Variants in ELL observed in about 807,000 individuals in gnomAD.
ELL encodes the protein elongation factor for RNA polymerase II.
A neutral mutation model predicts 64.0 loss-of-function variants in ELL; 18 were observed. The observed-to-expected ratio is 0.28, with a 90% confidence interval of 0.19 to 0.42. The LOEUF (loss-of-function observed/expected upper bound fraction) is 0.42, where lower values mean the gene tolerates loss of function less well. Ranked by LOEUF, ELL falls within the 10% of genes least tolerant of loss-of-function variation. The probability of loss-of-function intolerance (pLI) is 1.00; values close to 1 mark genes in which losing one functional copy is unlikely to be tolerated. For synonymous variants in ELL, 399 were observed against 376.2 expected (o/e 1.06, Z -0.70); for missense variants, 797 against 870.4 (o/e 0.92, Z 1.06).
At chr19:18,485,152 G>GCC (rs1239066463) in intron 1 of ELL, among the ~76,000 whole-genome samples, 1 of 152,138 alleles carries the variant, frequency 6.6e-6, no homozygotes, top group Non-Finnish European at 1.5e-5. Context: ...TGTGCTTCCT[G>GCC]CTCAGGCAGC....
At position 18,501,163 on chromosome 19, in the gene ELL, C is replaced by T. The variant is rs1975772634; in HGVS notation, c.135+20758G>A. ...CCTGTGGGCAGCAAGCAGCACACCT[C>T]CAGGGGCCACGTAGACAACCTGTGA... On this transcript the variant is annotated intron_variant, in intron 1 of 11. Transcript: ENST00000262809. This position sits in a 1 kb window ranked among gnomAD's most constrained non-coding sequence, Gnocchi z 4.5. Among the ~76,000 whole-genome samples the T allele has an allele frequency of 6.6e-6, 1 of 152,122 alleles. No homozygotes were observed. Among genetic ancestry groups the T allele is most frequent in the South Asian group, 2.1e-4 (1 of 4,824 alleles).
rs146491766 is a variant in ELL at position 18,464,597 on chromosome 19, G to A, written c.469+815C>T. On this transcript the variant is annotated intron_variant, in intron 4 of 11. Transcript: ENST00000262809. ...CCTCTGCTCAGCAAAGGGAAATCAC[G>A]TGCTTTCTTCGGAAGGAGGAGAGAG... Among the ~76,000 whole-genome samples, 290 of 152,288 alleles carry A rather than the reference G, an allele frequency of 1.9e-3. 3 individuals are homozygous for A. Among genetic ancestry groups the A allele is most frequent in the Middle Eastern group, 6.8e-3 (2 of 294 alleles).
At chr19:18,496,104 G>C (rs1416994280) in intron 1 of ELL, among the ~76,000 whole-genome samples, 3 of 152,190 alleles carry the variant, frequency 2.0e-5, no homozygotes, top group Admixed American at 2.0e-4. Context: ...CGGACAGATG[G>C]GGTTACTCCC....
intron 1 of ELL, among the ~76,000 whole-genome samples, chr19:18,515,753 C>T (rs1468411961): frequency 2.6e-5 from 4 of 152,116 alleles, no homozygotes; most frequent in East Asian, 3.9e-4. Context: ...GGCTCAGGAC[C>T]CCAGTGTGAC....
At chr19:18,446,117 A>C in intron 10 of ELL, 192 bp downstream of exon 10, 1 of 679,978 alleles carries the variant, frequency 1.5e-6, no homozygotes, top group Non-Finnish European at 2.4e-6. Flanking sequence ...GCCTTCAAGG[A>C]CTCCCACAAC....
At chr19:18,447,189 C>T (rs959998658) in intron 8 of ELL, among the ~76,000 whole-genome samples, 2 of 152,250 alleles carry the variant, frequency 1.3e-5, no homozygotes, top group African/African-American at 4.8e-5. Flanking sequence ...CCAGGCCAGG[C>T]CCTTGCTGCC....
intron 6 of ELL, among the ~76,000 whole-genome samples, chr19:18,455,272 C>A (rs1004178997): frequency 6.6e-6 from 1 of 151,704 alleles, no homozygotes; most frequent in African/African-American, 2.4e-5. Flanking sequence ...GCGGGTGGAT[C>A]ATGAGGTCAG....
At chr19:18,511,838 G>A (rs994235027) in intron 1 of ELL, among the ~76,000 whole-genome samples, 10 of 150,828 alleles carry the variant, frequency 6.6e-5, no homozygotes, top group African/African-American at 2.2e-4. Context: ...GCGCAACACA[G>A]TGAGACCCTG....
rs1422138069 is a variant in ELL at position 18,478,466 on chromosome 19, G to A, written c.136-5584C>T. Among the ~76,000 whole-genome samples, 5 of 152,196 alleles carry A rather than the reference G, an allele frequency of 3.3e-5. No homozygotes were observed. In the East Asian group the frequency reaches 9.6e-4, roughly 29 times the overall value. ...CCTGCCCAGTCTCTGTAGACCCTCT[G>A]AGGGGTCATCACCCCCACAAGTCCT... On this transcript the variant is annotated intron_variant, in intron 1 of 11. Coordinates refer to ENST00000262809, the MANE Select transcript of ELL (RefSeq NM_006532.4).
chr19:18,465,618 T>C lies in ELL; in HGVS notation c.306-43A>G, dbSNP rs766781966. The C allele has an allele frequency of 7.2e-6, 11 of 1,531,132 alleles. No homozygotes were observed. In the Admixed American group the frequency reaches 1.7e-4, roughly 24 times the overall value. 94.8% of individuals were successfully genotyped at this position (1,531,132 alleles called of 1,614,324 possible). The stretch of plus-strand genomic sequence containing the variant: ...GAGCTGGGGTCAGCAGCTGGGACAA[T>C]GCAGGGAGGATCCGTTGAGGGCCCA... On this transcript the variant is annotated intron_variant, in intron 3 of 11. Coordinates refer to ENST00000262809, the MANE Select transcript of ELL (RefSeq NM_006532.4).
intron 1 of ELL, among the ~76,000 whole-genome samples, chr19:18,474,691 C>T (rs984145171): frequency 1.3e-5 from 2 of 152,346 alleles, no homozygotes; most frequent in African/African-American, 4.8e-5. Flanking sequence ...AAGGGGGGCT[C>T]GTCTAGAGCA....
chr19:18,467,664 CACACACACAA>C (rs1292814474), intron 2 of ELL, among the ~76,000 whole-genome samples: 3 of 86,680 alleles, frequency 3.5e-5, no homozygotes, highest in Admixed American at 1.2e-4. Context: ...CACACACACA[CACACACACAA>C]ACACAACCCC....
chr19:18,490,464 G>A (rs376643170), intron 1 of ELL, among the ~76,000 whole-genome samples: 16 of 152,306 alleles, frequency 1.1e-4, no homozygotes, highest in African/African-American at 3.8e-4. Flanking sequence ...CCCCGCAGCG[G>A]GAGCCCATGG....
At position 18,450,604 on chromosome 19, in the gene ELL, G is replaced by A. The variant is rs1255055356; in HGVS notation, c.1338C>T (p.Ser446=). 2 of 1,611,940 alleles carry A rather than the reference G, an allele frequency of 1.2e-6. No homozygotes were observed. Among genetic ancestry groups the A allele is most frequent in the Admixed American group, 3.3e-5 (2 of 59,850 alleles). The change falls in exon 8 of 12, where the codon AGC becomes AGT. Residue 446 remains serine, a synonymous_variant. Coordinates refer to ENST00000262809, the MANE Select transcript of ELL (RefSeq NM_006532.4). ...GCTTCTTGGACTTCTTCTTGGGCTT[G>A]CTGCGCGAGGGGCTGCCGTGTGGCC... The part of the protein sequence containing the change: ...PSRPHGSPSR[S]KPKKKSKKHK...
intron 5 of ELL, among the ~76,000 whole-genome samples, chr19:18,461,096 A>T (rs1374948208): frequency 1.3e-5 from 2 of 152,148 alleles, no homozygotes; most frequent in African/African-American, 4.8e-5. Context: ...AGGGAGGGGC[A>T]CTGCAGGTCA....
chr19:18,468,676 C>G (rs567613089), intron 2 of ELL, among the ~76,000 whole-genome samples: 1 of 152,240 alleles, frequency 6.6e-6, no homozygotes, highest in South Asian at 2.1e-4. Flanking sequence ...CCCACTGCCC[C>G]CTGTGGTCCT....
At chr19:18,458,680 T>C (rs1173245833) in intron 5 of ELL, among the ~76,000 whole-genome samples, 3 of 152,180 alleles carry the variant, frequency 2.0e-5, no homozygotes, top group Admixed American at 6.5e-5. Flanking sequence ...CTGCTTTTTT[T>C]CCTTTTTTGA....
chr19:18,462,725 G>T (rs899533444), intron 4 of ELL, among the ~76,000 whole-genome samples: 2 of 152,108 alleles, frequency 1.3e-5, no homozygotes, highest in African/African-American at 4.8e-5. Context: ...TTAAACTGGG[G>T]GTCCCTGAAC....
chr19:18,457,519 T>C (rs1047479161), intron 6 of ELL, among the ~76,000 whole-genome samples: 1 of 152,158 alleles, frequency 6.6e-6, no homozygotes, highest in African/African-American at 2.4e-5. Context: ...AATTACTGCT[T>C]TAAACAGCTG....
Sources: allele counts gnomAD v4.1 joint callset (sites outside exome capture counted in the v4.1 genomes callset), GRCh38; gene constraint gnomAD v4.1.1; non-coding constraint Gnocchi (gnomAD v3.1); transcripts MANE v1.5; gene names NCBI Gene and HGNC (gene_info 2026-07-23, HGNC 2026-07-21).